Variants in HSPA4 observed in about 807,000 individuals in gnomAD.
HSPA4 encodes heat shock 70 kDa protein 4.
In HSPA4, 25 loss-of-function variants were observed where a neutral mutation model predicts 106.2. The observed-to-expected ratio is 0.24, with a 90% confidence interval of 0.17 to 0.33. The LOEUF (loss-of-function observed/expected upper bound fraction) is 0.33. Ranked by LOEUF, HSPA4 falls within the 10% of genes least tolerant of loss-of-function variation. HSPA4 has a pLI of 1.00. For missense variants in HSPA4, 841 were observed against 996.0 expected (o/e 0.84, Z 2.10); for synonymous variants, 332 against 333.6 (o/e 1.00, Z 0.05).
chr5:133,093,914 G>GA (rs1349708130), intron 13 of HSPA4, among the ~76,000 whole-genome samples: 4 of 151,892 alleles, frequency 2.6e-5, no homozygotes, highest in African/African-American at 9.7e-5. Flanking sequence ...CCAACATGGT[G>GA]AAACCCCGTC....
intron 1 of HSPA4, 127 bp from the exon 2 acceptor site, chr5:133,064,853 T>A (rs1179556450): frequency 2.4e-6 from 2 of 843,526 alleles, no homozygotes; most frequent in Non-Finnish European, 3.9e-6. Flanking sequence ...AATAGAAAGG[T>A]CAAAATCATA....
chr5:133,076,849 A>G lies in HSPA4; in HGVS notation c.859A>G (p.Ser287Gly). 1.9e-6 allele frequency: 3 copies of G among 1,612,058 alleles called. No individual in the cohort carries two copies. The South Asian group carries it at 3.3e-5, about 18-fold the overall frequency. Residue 287 changes from serine (S) to glycine (G), a missense_variant, in exon 7 of 19, where the codon AGC becomes GGC. This residue lies in a region of HSPA4 where 347 missense variants were observed against 408.7 expected (regional missense o/e 0.85). Transcript: ENST00000304858. ...TGCAAATGCTTCAGATCTCCCTTTG[A>G]GCATTGAATGTTTTATGAATGATGT... ...MSANASDLPL[S>G]IECFMNDVDV... is the part of the protein sequence containing the mutation.
intron 1 of HSPA4, among the ~76,000 whole-genome samples, chr5:133,054,763 A>G (rs1377415176): frequency 1.3e-5 from 2 of 152,122 alleles, no homozygotes; most frequent in African/African-American, 4.8e-5. Context: ...GTTTTTAAGC[A>G]TTTTAGTATT....
intron 1 of HSPA4, among the ~76,000 whole-genome samples, chr5:133,054,246 A>G (rs1765130496): frequency 6.6e-6 from 1 of 152,000 alleles, no homozygotes; most frequent in Admixed American, 6.6e-5. Flanking sequence ...TCTGTTCCCT[A>G]CGCTGGAGTG....
intron 13 of HSPA4, among the ~76,000 whole-genome samples, chr5:133,094,132 A>G (rs1018125519): frequency 2.6e-5 from 4 of 152,220 alleles, no homozygotes; most frequent in Non-Finnish European, 4.4e-5. Context: ...ATTTAAATAT[A>G]TTTTGTGATT....
chr5:133,077,010 G>T, intron 7 of HSPA4, 112 bp downstream of exon 7: 1 of 1,052,532 alleles, frequency 9.5e-7, no homozygotes, highest in East Asian at 2.5e-5. Context: ...GATAATTTTG[G>T]TTCTATTTTA....
chr5:133,104,327 C>T lies in HSPA4; in HGVS notation c.2414C>T (p.Pro805Leu), dbSNP rs1270905010. The change falls in exon 19 of 19, where the codon CCA becomes CTA. Residue 805 changes from proline to leucine, a missense_variant. By Grantham distance (98) the Pro-to-Leu change is moderately conservative (BLOSUM62 -3). Around this residue, in one of 5 missense-constraint regions of HSPA4, gnomAD observed 328 missense variants for 372.2 expected, o/e 0.88. Transcript: ENST00000304858. ...CAAAAAAATGCAGAGCAGAATGGAC[C>T]AGTGGATGGACAAGGAGACAACCCA... is the stretch of plus-strand genomic sequence containing the variant. The part of the protein sequence containing the change: ...EEQKNAEQNG[P>L]VDGQGDNPGP... The T allele has an allele frequency of 6.2e-7, 1 of 1,614,094 alleles. No individual in the cohort carries two copies. Among genetic ancestry groups the T allele is most frequent in the Non-Finnish European group, 8.5e-7 (1 of 1,179,972 alleles).
intron 17 of HSPA4, among the ~76,000 whole-genome samples, chr5:133,103,534 C>G (rs1301222250): frequency 1.3e-5 from 2 of 152,126 alleles, no homozygotes; most frequent in Admixed American, 6.5e-5. Flanking sequence ...CATGCTGAAA[C>G]TTCAGCTCTC....
At chr5:133,057,691 T>A (rs888543350) in intron 1 of HSPA4, among the ~76,000 whole-genome samples, 4 of 152,198 alleles carry the variant, frequency 2.6e-5, no homozygotes, top group African/African-American at 4.8e-5. Context: ...TTTCTAGGAC[T>A]TAAAGATTAG....
chr5:133,053,642 G>T (rs868615896), intron 1 of HSPA4, among the ~76,000 whole-genome samples: 6 of 151,854 alleles, frequency 4.0e-5, no homozygotes, highest in Non-Finnish European at 7.4e-5. Flanking sequence ...GAACCACCGT[G>T]CCCTGCCCAG....
At chr5:133,084,318 A>G (rs1765552124) in intron 7 of HSPA4, among the ~76,000 whole-genome samples, 2 of 152,264 alleles carry the variant, frequency 1.3e-5, no homozygotes, top group South Asian at 2.1e-4. Flanking sequence ...GTTTGTTGTT[A>G]TTGATGGACA....
chr5:133,061,838 T>C (rs1050429292), intron 1 of HSPA4, among the ~76,000 whole-genome samples: 14 of 152,164 alleles, frequency 9.2e-5, no homozygotes, highest in African/African-American at 3.4e-4. Context: ...TTCGCCATGT[T>C]GGCCAGGCTG....
chr5:133,091,494 T>C (rs1169713818), intron 12 of HSPA4, 120 bp downstream of exon 12: 2 of 670,200 alleles, frequency 3.0e-6, no homozygotes, highest in African/African-American at 3.6e-5. Context: ...TGAGAGTGGG[T>C]TTGTATGTTT....
At chr5:133,089,943 G>T (rs1765624311) in intron 11 of HSPA4, among the ~76,000 whole-genome samples, 1 of 152,266 alleles carries the variant, frequency 6.6e-6, no homozygotes, top group East Asian at 1.9e-4. Flanking sequence ...GCTTTAGATT[G>T]CAAAAGAAAA....
At position 133,056,443 on chromosome 5, in the gene HSPA4, T is replaced by C. The variant is rs10043832; in HGVS notation, c.107+4086T>C. ...CATGTGCATACATGCGGCTAATTTT[T>C]GTATTTTTAGGTAGACGTGGTTTCG... On this transcript the variant is annotated intron_variant, in intron 1 of 18. Coordinates refer to ENST00000304858, the MANE Select transcript of HSPA4 (RefSeq NM_002154.4). Among the ~76,000 whole-genome samples, 740 of 152,310 alleles carry C rather than the reference T, an allele frequency of 4.9e-3. 5 individuals carry two copies. Among genetic ancestry groups the C allele is most frequent in the African/African-American group, 0.017 (720 of 41,558 alleles).
rs1554089513 is a variant in HSPA4 at position 133,085,489 on chromosome 5, T to TTAAAAAAAAAAAAAAAAAA, written c.909-1293_909-1292insTAAAAAAAAAAAAAAAAAA. Among the ~76,000 whole-genome samples, 13 of 110,264 alleles carry TTAAAAAAAAAAAAAAAAAA rather than the reference T, an allele frequency of 1.2e-4. 1 individual carries two copies. The highest frequency in any genetic ancestry group is 5.5e-4 in the African/African-American group (11 of 20,106). 72.3% of individuals were successfully genotyped at this position (110,264 alleles called of 152,430 possible). A position where few individuals can be genotyped will look rare whatever the true frequency, so the allele number is the denominator to read the frequency against. On this transcript the variant is annotated intron_variant, in intron 7 of 18. Transcript: ENST00000304858. ...CAACATGGTGAAATCCCATCTCTAC[T>TTAAAAAAAAAAAAAAAAAA]AAAAAAAAAAAAATACAAAATTAGC...
chr5:133,086,373 G>A (rs1765578439), intron 7 of HSPA4, among the ~76,000 whole-genome samples: 1 of 152,098 alleles, frequency 6.6e-6, no homozygotes, highest in South Asian at 2.1e-4. Context: ...CTTTAACCCA[G>A]CATAATGTTT....
intron 1 of HSPA4, among the ~76,000 whole-genome samples, chr5:133,064,525 CT>C (rs1215142545): frequency 6.6e-6 from 1 of 152,038 alleles, no homozygotes; most frequent in East Asian, 1.9e-4. Flanking sequence ...AATTGAGTGC[CT>C]GGAAACTAGT....
intron 1 of HSPA4, among the ~76,000 whole-genome samples, chr5:133,063,143 C>A (rs1349636449): frequency 6.6e-6 from 1 of 152,106 alleles, no homozygotes; most frequent in Non-Finnish European, 1.5e-5. Flanking sequence ...CTTCCCCAGG[C>A]TGGAGTGCAA....
Sources: gnomAD v4.1 joint callset for allele counts (sites outside exome capture counted in the v4.1 genomes callset) on GRCh38, gnomAD v4.1.1 for gene constraint, gnomAD v4.1.1 regional missense constraint, MANE v1.5 for transcripts, NCBI Gene and HGNC (gene_info 2026-07-23, HGNC 2026-07-21) for gene names.